The following AGMO variants were observed in gnomAD, a reference collection of about 807,000 sequenced individuals.
AGMO encodes the protein alkylglycerol monooxygenase.
In AGMO, 75 loss-of-function variants were observed where a neutral mutation model predicts 60.2. The observed-to-expected ratio is 1.25, with a 90% CI of 1.03 to 1.51. The LOEUF (loss-of-function observed/expected upper bound fraction) is 1.51, where lower values mean the gene tolerates loss of function less well. Ranked by LOEUF, AGMO falls within the 40% of genes most tolerant of loss-of-function variation. The pLI is 0.00. For synonymous variants in AGMO, 261 were observed against 177.1 expected (o/e 1.47, Z -3.76); for missense variants, 763 against 525.5 (o/e 1.45, Z -4.42).
intron 12 of AGMO, among the ~76,000 whole-genome samples, chr7:15,324,825 C>T (rs1415914738): frequency 6.6e-6 from 1 of 152,114 alleles, no homozygotes; most frequent in Non-Finnish European, 1.5e-5. Context: ...AATGTCACCA[C>T]TGATCTGACA....
At position 15,392,316 on chromosome 7, in the gene AGMO, CGCG is replaced by C. The variant is rs1562482332; in HGVS notation, c.677-1414_677-1412del. On this transcript the variant is annotated intron_variant, in intron 6 of 12. Transcript: ENST00000342526. Reference sequence around the variant, plus strand: ...TGTCTTATCTCCTGACCTCGTGATCCGCGATCCGCCTCCCAAAGTGTTGGGATT... The same window carrying C: ...TGTCTTATCTCCTGACCTCGTGATCCATCCGCCTCCCAAAGTGTTGGGATT... Among the ~76,000 whole-genome samples, 628 of 130,732 alleles carry C rather than the reference CGCG, an allele frequency of 4.8e-3. 3 individuals carry two copies. The highest frequency in any genetic ancestry group is 0.019 in the African/African-American group (601 of 31,728). 85.8% of individuals were successfully genotyped at this position (130,732 alleles called of 152,430 possible). A position where few individuals can be genotyped will look rare whatever the true frequency, so the allele number is the denominator to read the frequency against.
chr7:15,429,612 G>A (rs1296642250), intron 4 of AGMO, among the ~76,000 whole-genome samples: 1 of 151,910 alleles, frequency 6.6e-6, no homozygotes, highest in East Asian at 1.9e-4. Flanking sequence ...GGCAGCTCTA[G>A]AAAAAGAATA....
chr7:15,121,111 C>T, the AGMO span, among the ~76,000 whole-genome samples: 4 of 152,046 alleles, frequency 2.6e-5, no homozygotes, highest in South Asian at 2.1e-4. Flanking sequence ...CTGAGGATGA[C>T]GGCTTCCAGC....
chr7:15,477,275 C>T (rs1006255579), intron 3 of AGMO, among the ~76,000 whole-genome samples: 3 of 151,918 alleles, frequency 2.0e-5, no homozygotes, highest in South Asian at 4.2e-4. Context: ...AAGGAAGGGT[C>T]TTTTGGGTGA....
intron 10 of AGMO, among the ~76,000 whole-genome samples, chr7:15,380,106 G>C (rs1409624063): frequency 6.6e-6 from 1 of 152,088 alleles, no homozygotes; most frequent in East Asian, 1.9e-4. Context: ...CACAAGACAA[G>C]TATGCCCTCC....
chr7:15,325,572 C>G (rs888946876), intron 12 of AGMO, among the ~76,000 whole-genome samples: 7 of 152,022 alleles, frequency 4.6e-5, no homozygotes, highest in Admixed American at 1.3e-4. Context: ...GACTCTATTT[C>G]AACAGCACAT....
chr7:15,382,099 T>C (rs1244613949), intron 10 of AGMO, among the ~76,000 whole-genome samples: 1 of 152,080 alleles, frequency 6.6e-6, no homozygotes, highest in Non-Finnish European at 1.5e-5. Context: ...AAATAATCCA[T>C]ACAACAAACC....
rs985421177 is a variant in AGMO, at chr7:15,352,755, G to A, written c.1263+12759C>T. Among the ~76,000 whole-genome samples the A allele has an allele frequency of 4.6e-5, 7 of 151,704 alleles. No individual in the cohort carries two copies. The South Asian group carries it at 1.3e-3, about 27-fold the overall frequency. ...TCCATGCGCCTTTTTCTCAGCGACA[G>A]GATTCTCCTTAGAGCCATTATCTAG... On this transcript the variant is annotated intron_variant, in intron 12 of 12. Transcript: ENST00000342526.
chr7:15,349,802 C>G (rs1455007821), intron 12 of AGMO, among the ~76,000 whole-genome samples: 1 of 151,992 alleles, frequency 6.6e-6, no homozygotes, highest in African/African-American at 2.4e-5. Flanking sequence ...GTGGGGAAAA[C>G]CCCTTTTAAA....
the AGMO span, among the ~76,000 whole-genome samples, chr7:15,164,676 A>G: frequency 2.6e-5 from 4 of 152,110 alleles, no homozygotes; most frequent in Non-Finnish European, 5.9e-5. Flanking sequence ...GAGAAATGCA[A>G]GTTTAAACCA....
At chr7:15,557,780 C>T (rs1785186383) in intron 2 of AGMO, among the ~76,000 whole-genome samples, 2 of 152,050 alleles carry the variant, frequency 1.3e-5, no homozygotes, top group Admixed American at 1.3e-4. Flanking sequence ...TTGTTCTTTA[C>T]ATCTACAAGG....
intron 3 of AGMO, among the ~76,000 whole-genome samples, chr7:15,497,583 G>T (rs1192885981): frequency 6.6e-6 from 1 of 152,062 alleles, no homozygotes; most frequent in African/African-American, 2.4e-5. Context: ...TTAACAATTA[G>T]ACTTTTTTAC....
intron 12 of AGMO, among the ~76,000 whole-genome samples, chr7:15,211,226 T>C (rs1789688446): frequency 6.6e-6 from 1 of 152,030 alleles, no homozygotes; most frequent in East Asian, 1.9e-4. Context: ...ACTTACTTTT[T>C]TAAATTATAA....
At chr7:15,271,496 C>T (rs1783609299) in intron 12 of AGMO, among the ~76,000 whole-genome samples, 1 of 152,062 alleles carries the variant, frequency 6.6e-6, no homozygotes, top group Non-Finnish European at 1.5e-5. Flanking sequence ...GCAATATTAA[C>T]TATCTTTTTA....
At chr7:15,138,032 T>C in the AGMO span, among the ~76,000 whole-genome samples, 1 of 151,994 alleles carries the variant, frequency 6.6e-6, no homozygotes, top group African/African-American at 2.4e-5. Flanking sequence ...ATCCTCGCTT[T>C]CCCCCCAAAT....
At chr7:15,454,311 G>T (rs1781939255) in intron 3 of AGMO, among the ~76,000 whole-genome samples, 1 of 151,906 alleles carries the variant, frequency 6.6e-6, no homozygotes, top group South Asian at 2.1e-4. Flanking sequence ...AAATGTGCTT[G>T]AATGTGCTTG....
intron 4 of AGMO, among the ~76,000 whole-genome samples, chr7:15,425,745 G>T (rs1442246625): frequency 6.6e-6 from 1 of 152,014 alleles, no homozygotes; most frequent in East Asian, 1.9e-4. Flanking sequence ...CAGCCCAATT[G>T]TATTTATTTT....
intron 12 of AGMO, among the ~76,000 whole-genome samples, chr7:15,244,453 T>C (rs866919031): frequency 1.3e-5 from 2 of 152,120 alleles, no homozygotes; most frequent in Non-Finnish European, 2.9e-5. Context: ...CAAAACACCA[T>C]TACCCGACTC....
chr7:15,553,244 C>T (rs912396103), intron 2 of AGMO, among the ~76,000 whole-genome samples: 12 of 150,708 alleles, frequency 8.0e-5, no homozygotes, highest in African/African-American at 1.2e-4. Flanking sequence ...GTGGGTGCAG[C>T]GCACCAGCAT....
Sources: gnomAD v4.1 joint callset for allele counts (sites outside exome capture counted in the v4.1 genomes callset) on GRCh38, gnomAD v4.1.1 for gene constraint, MANE v1.5 for transcripts, NCBI Gene and HGNC (gene_info 2026-07-23, HGNC 2026-07-21) for gene names.